Variants in HDAC9 observed in about 807,000 individuals in gnomAD.
HDAC9 encodes histone deacetylase 9.
In HDAC9, 41 loss-of-function variants were observed where a neutral mutation model predicts 139.4. That is an observed-to-expected ratio of 0.29 (90% CI 0.23 to 0.38). HDAC9 has a LOEUF of 0.38. Ranked by LOEUF, HDAC9 falls within the 10% of genes least tolerant of loss-of-function variation. HDAC9 has a pLI of 1.00. For synonymous variants in HDAC9, 517 were observed against 476.2 expected, an observed-to-expected ratio of 1.09 and a Z score of -1.12; for missense variants, 1,147 against 1,297.0, an observed-to-expected ratio of 0.88 and a Z score of 1.78.
At chr7:18,160,204 C>T (rs1459636591) in intron 1 of HDAC9, among the ~76,000 whole-genome samples, 1 of 152,174 alleles carries the variant, frequency 6.6e-6, no homozygotes, top group Non-Finnish European at 1.5e-5. Flanking sequence ...ATGGAAGTTA[C>T]CTTTCAGAGC....
chr7:18,119,237 T>C (rs182450927), intron 1 of HDAC9, among the ~76,000 whole-genome samples: 3 of 152,306 alleles, frequency 2.0e-5, no homozygotes, highest in African/African-American at 7.2e-5. Flanking sequence ...CATTGCATGC[T>C]CCATGCTATT....
chr7:18,273,432 G>C (rs1436554964), intron 2 of HDAC9, among the ~76,000 whole-genome samples: 1 of 152,232 alleles, frequency 6.6e-6, no homozygotes, highest in Non-Finnish European at 1.5e-5. Context: ...TGGAGAGCCA[G>C]AAAGGACTAA....
intron 16 of HDAC9, among the ~76,000 whole-genome samples, chr7:18,774,493 A>G (rs1250411929): frequency 1.3e-5 from 2 of 152,100 alleles, no homozygotes; most frequent in Non-Finnish European, 2.9e-5. Flanking sequence ...TTCTCAGTGT[A>G]TACTAAACTT....
In HDAC9 at chr7:18,934,212, A is replaced by G. The variant is rs1389682803; in HGVS notation, c.2804-1597A>G. On this transcript the variant is annotated intron_variant, in intron 22 of 25. Transcript: ENST00000686413. ...TTTAAAAATTCAATCAATACTAAAA[A>G]TATTCTTCAAAGTGAACACAAGACC... Among the ~76,000 whole-genome samples the G allele has an allele frequency of 9.2e-5, 14 of 152,070 alleles. 1 individual carries two copies. Among genetic ancestry groups the G allele is most frequent in the Non-Finnish European group, 2.1e-4 (14 of 67,978 alleles).
intron 19 of HDAC9, 146 bp from the exon 20 acceptor site, chr7:18,835,321 A>G: frequency 1.1e-6 from 1 of 881,254 alleles, no homozygotes; most frequent in Non-Finnish European, 1.7e-6. Context: ...AGCAGGCTGA[A>G]AGGGAGAAAG....
At chr7:18,709,127 T>C (rs1784157520) in intron 12 of HDAC9, among the ~76,000 whole-genome samples, 1 of 152,088 alleles carries the variant, frequency 6.6e-6, no homozygotes, top group South Asian at 2.1e-4. Context: ...GTTTGTTACA[T>C]AGGTATATGT....
intron 1 of HDAC9, among the ~76,000 whole-genome samples, chr7:18,452,846 T>C (rs552188455): frequency 4.6e-5 from 7 of 152,178 alleles, no homozygotes; most frequent in African/African-American, 1.7e-4. Context: ...GAACTGTGAC[T>C]CCTTTAAACC....
At chr7:18,808,804 A>G (rs377104527) in intron 17 of HDAC9, among the ~76,000 whole-genome samples, 2 of 152,244 alleles carry the variant, frequency 1.3e-5, no homozygotes, top group African/African-American at 2.4e-5. Flanking sequence ...ATTCATATGG[A>G]ACCAAAAAAG....
intron 6 of HDAC9, among the ~76,000 whole-genome samples, chr7:18,604,689 G>A (rs371448389): frequency 1.3e-5 from 2 of 152,018 alleles, no homozygotes; most frequent in Admixed American, 6.6e-5. Flanking sequence ...GTGAGCCACC[G>A]CGCCCGGATA....
intron 22 of HDAC9, among the ~76,000 whole-genome samples, chr7:18,914,823 G>GA (rs1229133103): frequency 1.3e-5 from 2 of 151,880 alleles, no homozygotes; most frequent in African/African-American, 2.4e-5. Context: ...AGATATAGCA[G>GA]AAAAAACCTC....
intron 5 of HDAC9, among the ~76,000 whole-genome samples, chr7:18,592,050 G>A (rs1224837376): frequency 6.6e-6 from 1 of 152,044 alleles, no homozygotes; most frequent in South Asian, 2.1e-4. Flanking sequence ...AAAAGGTTTA[G>A]CAGATTGTGA....
intron 2 of HDAC9, among the ~76,000 whole-genome samples, chr7:18,170,304 C>G (rs181174789): frequency 3.9e-5 from 6 of 152,056 alleles, no homozygotes; most frequent in Admixed American, 3.3e-4. Flanking sequence ...TTTTGATGGG[C>G]TGGGTTGTTT....
chr7:18,396,095 T>TTCCCTTCCCTTCCCC, intron 1 of HDAC9, among the ~76,000 whole-genome samples: 1 of 124,092 alleles, frequency 8.1e-6, no homozygotes, highest in African/African-American at 3.2e-5. Flanking sequence ...TTCCCTTCCC[T>TTCCCTTCCCTTCCCC]TCCCTTCCCT....
intron 23 of HDAC9, among the ~76,000 whole-genome samples, chr7:18,944,977 TG>T (rs1274833873): frequency 6.6e-6 from 1 of 152,206 alleles, no homozygotes. Context: ...TTTTCCAGTT[TG>T]GGGGCTATTG....
At chr7:18,349,558 T>C (rs972562034) in intron 1 of HDAC9, among the ~76,000 whole-genome samples, 1 of 152,128 alleles carries the variant, frequency 6.6e-6, no homozygotes, top group Non-Finnish European at 1.5e-5. Flanking sequence ...AATATTTGAT[T>C]CTCAAACATT....
intron 14 of HDAC9, among the ~76,000 whole-genome samples, chr7:18,761,464 C>T (rs1165338225): frequency 5.3e-5 from 8 of 152,060 alleles, no homozygotes; most frequent in South Asian, 2.1e-4. Context: ...AAATGAAATA[C>T]GGCAAAAGTG....
At chr7:18,789,094 C>T (rs566328905) in intron 16 of HDAC9, among the ~76,000 whole-genome samples, 2 of 152,130 alleles carry the variant, frequency 1.3e-5, no homozygotes, top group South Asian at 2.1e-4. Context: ...TCTGAGACAA[C>T]CAGGTTCAGT....
At chr7:18,114,793 A>G (rs1039252114) in intron 1 of HDAC9, among the ~76,000 whole-genome samples, 2 of 152,192 alleles carry the variant, frequency 1.3e-5, no homozygotes, top group Non-Finnish European at 2.9e-5. Flanking sequence ...TTTATATCTG[A>G]ACGATTTAAA....
chr7:18,121,258 T>C (rs1163380767), intron 1 of HDAC9, among the ~76,000 whole-genome samples: 1 of 152,184 alleles, frequency 6.6e-6, no homozygotes, highest in African/African-American at 2.4e-5. Context: ...AAAACTGCCT[T>C]TTGAATAGAG....
Sources: gnomAD v4.1 joint callset for allele counts (sites outside exome capture counted in the v4.1 genomes callset) on GRCh38, gnomAD v4.1.1 for gene constraint, MANE v1.5 for transcripts, NCBI Gene and HGNC (gene_info 2026-07-23, HGNC 2026-07-21) for gene names.